Variants in ROBO1 observed in about 807,000 individuals in gnomAD.
The protein encoded by ROBO1 is roundabout homolog 1.
ROBO1 carries 149 observed loss-of-function variants against 195.9 expected under a neutral mutation model. That is an observed-to-expected ratio of 0.76 (90% confidence interval 0.67 to 0.87). The LOEUF (loss-of-function observed/expected upper bound fraction) is 0.87. ROBO1 is among the 40% of genes least tolerant of loss of function. The pLI is 0.00. For missense variants in ROBO1, 1,933 were observed against 2,068.3 expected (o/e 0.93, Z 1.27); for synonymous variants, 816 against 733.2 (o/e 1.11, Z -1.82).
intron 2 of ROBO1, among the ~76,000 whole-genome samples, chr3:79,366,671 A>G (rs573293713): frequency 1.3e-5 from 2 of 152,256 alleles, no homozygotes; most frequent in African/African-American, 4.8e-5. Context: ...CCACCAATAA[A>G]TATTTGTTCA....
At chr3:79,530,947 A>G (rs1941636660) in intron 2 of ROBO1, among the ~76,000 whole-genome samples, 1 of 152,070 alleles carries the variant, frequency 6.6e-6, no homozygotes, top group Admixed American at 6.6e-5. Flanking sequence ...TGCTGGATAC[A>G]TCATTCTTCC....
intron 4 of ROBO1, among the ~76,000 whole-genome samples, chr3:78,864,320 G>A (rs1474095747): frequency 6.6e-6 from 1 of 152,082 alleles, no homozygotes; most frequent in Non-Finnish European, 1.5e-5. Context: ...CAAATTAATT[G>A]CCTAGTGGAA....
chr3:78,686,044 T>TGTATG, intron 9 of ROBO1, 127 bp from the exon 10 acceptor site: 2 of 718,808 alleles, frequency 2.8e-6, no homozygotes, highest in Non-Finnish European at 4.5e-6. Context: ...TATGCATATG[T>TGTATG]ATCCGTCTAT....
chr3:79,140,612 C>T (rs2080505272), intron 2 of ROBO1, among the ~76,000 whole-genome samples: 1 of 151,998 alleles, frequency 6.6e-6, no homozygotes, highest in Non-Finnish European at 1.5e-5. Context: ...AAATTACAAA[C>T]CAATTTAAAT....
chr3:79,339,098 A>G lies in ROBO1; in HGVS notation c.89-213559T>C, dbSNP rs556915493. ...AAATATGTCCAGACTCTTAACTCTC[A>G]ACAGTTTTCACACTTTCTATTGCCA... is the stretch of plus-strand genomic sequence containing the variant. On this transcript the variant is annotated intron_variant, in intron 2 of 30. Coordinates refer to ENST00000464233, the MANE Select transcript of ROBO1 (RefSeq NM_002941.4). 2.6e-5 allele frequency among the ~76,000 whole-genome samples: 4 copies of G among 152,250 alleles called. No homozygotes were observed. The East Asian group carries it at 7.7e-4, about 29-fold the overall frequency.
intron 1 of ROBO1, among the ~76,000 whole-genome samples, chr3:79,702,982 T>A (rs2107171607): frequency 6.6e-6 from 1 of 152,006 alleles, no homozygotes; most frequent in South Asian, 2.1e-4. Flanking sequence ...TTTACTGAGA[T>A]CATGGTGACC....
At chr3:78,810,645 T>C (rs1445323418) in intron 4 of ROBO1, among the ~76,000 whole-genome samples, 1 of 151,986 alleles carries the variant, frequency 6.6e-6, no homozygotes, top group East Asian at 1.9e-4. Flanking sequence ...TGTTGGTAAA[T>C]CTATTCTGGT....
At chr3:78,939,757 TTA>T (rs1278208309) in intron 3 of ROBO1, among the ~76,000 whole-genome samples, 1 of 151,444 alleles carries the variant, frequency 6.6e-6, no homozygotes, top group East Asian at 1.9e-4. Flanking sequence ...AGAGTTTTTA[TTA>T]ATAAATTAAT....
At chr3:78,892,611 C>A (rs1273769754) in intron 4 of ROBO1, among the ~76,000 whole-genome samples, 1 of 152,080 alleles carries the variant, frequency 6.6e-6, no homozygotes, top group Non-Finnish European at 1.5e-5. Flanking sequence ...ATCATCATCA[C>A]CATTCAGAGT....
At chr3:79,081,042 G>T (rs978807927) in intron 3 of ROBO1, among the ~76,000 whole-genome samples, 1 of 151,964 alleles carries the variant, frequency 6.6e-6, no homozygotes, top group African/African-American at 2.4e-5. Flanking sequence ...AACCATAGAA[G>T]AAAATTTCCA....
chr3:79,572,076 G>T (rs866576146), intron 2 of ROBO1, among the ~76,000 whole-genome samples: 1 of 151,930 alleles, frequency 6.6e-6, no homozygotes, highest in Non-Finnish European at 1.5e-5. Context: ...TGGGTGCAGC[G>T]CACCAGCATG....
At chr3:79,299,318 T>C (rs908942846) in intron 2 of ROBO1, among the ~76,000 whole-genome samples, 9 of 152,302 alleles carry the variant, frequency 5.9e-5, no homozygotes, top group African/African-American at 2.2e-4. Context: ...TAGAGTGTAA[T>C]GTTCAGTAAA....
intron 2 of ROBO1, among the ~76,000 whole-genome samples, chr3:79,264,987 G>A (rs941677351): frequency 6.6e-6 from 1 of 151,842 alleles, no homozygotes; most frequent in East Asian, 1.9e-4. Flanking sequence ...TGTCAGCAGC[G>A]GCTGGAGGAG....
chr3:78,698,528 C>A (rs1196712293), intron 8 of ROBO1, among the ~76,000 whole-genome samples: 2 of 152,076 alleles, frequency 1.3e-5, no homozygotes, highest in Non-Finnish European at 2.9e-5. Flanking sequence ...TTCTGTAGAA[C>A]AATGGTTCTG....
chr3:78,746,537 T>A (rs2082661103), intron 5 of ROBO1, among the ~76,000 whole-genome samples: 1 of 152,186 alleles, frequency 6.6e-6, no homozygotes, highest in African/African-American at 2.4e-5. Context: ...CTTTTACTGA[T>A]CTCTAAACAC....
chr3:79,129,829 C>A (rs907592571), intron 2 of ROBO1, among the ~76,000 whole-genome samples: 2 of 151,104 alleles, frequency 1.3e-5, no homozygotes, highest in Non-Finnish European at 2.9e-5. Context: ...ACGTTTAAAT[C>A]TTTAATCCAT....
At chr3:79,165,266 T>C (rs899548747) in intron 2 of ROBO1, among the ~76,000 whole-genome samples, 6 of 152,184 alleles carry the variant, frequency 3.9e-5, no homozygotes, top group Admixed American at 3.3e-4. Flanking sequence ...TACTCTACCA[T>C]AGTGTTTGTA....
chr3:79,397,338 C>T (rs2037195025), intron 2 of ROBO1, among the ~76,000 whole-genome samples: 1 of 151,942 alleles, frequency 6.6e-6, no homozygotes, highest in East Asian at 1.9e-4. Context: ...AAGCCAGACA[C>T]ATTGCTTAAC....
At chr3:79,317,829 C>T (rs909676201) in intron 2 of ROBO1, among the ~76,000 whole-genome samples, 1 of 152,156 alleles carries the variant, frequency 6.6e-6, no homozygotes, top group African/African-American at 2.4e-5. Flanking sequence ...CATATATACA[C>T]ATACATCTCC....
Sources: allele counts gnomAD v4.1 joint callset (sites outside exome capture counted in the v4.1 genomes callset), GRCh38; gene constraint gnomAD v4.1.1; transcripts MANE v1.5; gene names NCBI Gene and HGNC (gene_info 2026-07-23, HGNC 2026-07-21).